RINL: variants seen among roughly 807,000 people sequenced by gnomAD.
RINL encodes Ras and Rab interactor like, also known as ras and Rab interactor-like protein.
A neutral mutation model predicts 58.1 loss-of-function variants in RINL; 39 were observed. The observed-to-expected ratio is 0.67, with a 90% CI of 0.52 to 0.88. RINL has a LOEUF of 0.88. Ranked by LOEUF, RINL falls within the 40% of genes least tolerant of loss-of-function variation. The pLI is 0.00. For missense variants in RINL, 711 were observed against 749.2 expected (o/e 0.95, Z 0.60); for synonymous variants, 286 against 323.1 (o/e 0.89, Z 1.23).
Position 38,871,738 on chromosome 19 carries a change from G to A in RINL, c.387-27C>T, listed in dbSNP as rs116483662. 1,055 of 1,613,964 alleles carry A rather than the reference G, an allele frequency of 6.5e-4. 7 individuals are homozygous for A. In the African/African-American group the frequency reaches 0.013, roughly 20 times the overall value. ...TGAGAATAAAGAGGTGGGAGCCACAGTGTCAGTGGGGTGTCTTAGGGAAGG... is the reference window on the plus strand; with the variant it reads ...TGAGAATAAAGAGGTGGGAGCCACAATGTCAGTGGGGTGTCTTAGGGAAGG... On this transcript the variant is annotated intron_variant, in intron 5 of 11. Transcript: ENST00000591812.
chr19:38,876,352 A>G lies in RINL; in HGVS notation c.189T>C (p.Leu63=). The change falls in exon 3 of 12, where the codon CTT becomes CTC. Residue 63 remains leucine (L), a synonymous_variant. Coordinates refer to ENST00000591812, the MANE Select transcript of RINL (RefSeq NM_001195833.2). Reference sequence around the variant, plus strand: ...TCACCCCTAGTGGCCACAGCCCCACAAGGGCCTCCGCATCCTGGGTATCCA... The same window carrying G: ...TCACCCCTAGTGGCCACAGCCCCACGAGGGCCTCCGCATCCTGGGTATCCA... ...PELDTQDAEA[L]VGLWPLGSFL... The G allele has an allele frequency of 2.0e-6, 3 of 1,536,046 alleles. No homozygotes were observed. Among genetic ancestry groups the G allele is most frequent in the Non-Finnish European group, 2.6e-6 (3 of 1,146,860 alleles).
chr19:38,867,944 T>C lies in RINL; in HGVS notation c.*1160A>G, dbSNP rs1972709572. Reference sequence around the variant, plus strand: ...TAACGTTAACTTCACTTGTTTCTTTTTATTTATTTATTTATTTTTGAGATG... The same window carrying C: ...TAACGTTAACTTCACTTGTTTCTTTCTATTTATTTATTTATTTTTGAGATG... On this transcript the variant is annotated 3_prime_UTR_variant, in exon 12 of 12. Coordinates refer to ENST00000591812, the MANE Select transcript of RINL (RefSeq NM_001195833.2). 6.6e-6 allele frequency: 1 copy of C among 152,120 alleles called. No homozygotes were observed. The highest frequency in any genetic ancestry group is 1.5e-5 in the Non-Finnish European group (1 of 68,008). 9.4% of individuals were successfully genotyped at this position (152,120 alleles called of 1,614,324 possible). A position where few individuals can be genotyped will look rare whatever the true frequency, so the allele number is the denominator to read the frequency against.
chr19:38,868,850 G>A lies in RINL; in HGVS notation c.*254C>T. 2.4e-6 allele frequency: 1 copy of A among 411,378 alleles called. No individual in the cohort carries two copies. The highest frequency in any genetic ancestry group is 4.4e-6 in the Non-Finnish European group (1 of 227,346). The allele number at this position is 411,378 out of a possible 1,614,324, so 25.5% of individuals were successfully genotyped here. ...TCCTCCCTTCCCCTCCCCTCCTTCA[G>A]GCCTTTCTGCAGATGTCACCTCAGT... On this transcript the variant is annotated 3_prime_UTR_variant, in exon 12 of 12. Coordinates refer to ENST00000591812, the MANE Select transcript of RINL (RefSeq NM_001195833.2).
rs1332131505 is a variant in RINL, at chr19:38,868,061, C to G, written c.*1043G>C. 1.3e-5 allele frequency: 2 copies of G among 152,328 alleles called. No homozygotes were observed. The highest frequency in any genetic ancestry group is 3.9e-4 in the East Asian group (2 of 5,178). The allele number at this position is 152,328 out of a possible 1,614,324, so 9.4% of individuals were successfully genotyped here. ...TCCCGGGTTCAAGCCATTCTCCTGC[C>G]TTAGCCTCCGGAGTAGCTGGGATTA... On this transcript the variant is annotated 3_prime_UTR_variant, in exon 12 of 12. Transcript: ENST00000591812.
At position 38,873,890 on chromosome 19, in the gene RINL, G is replaced by A. The variant is rs1163643430; in HGVS notation, c.309C>T (p.Pro103=). 2 of 1,527,962 alleles carry A rather than the reference G, an allele frequency of 1.3e-6. No individual in the cohort carries two copies. Among genetic ancestry groups the A allele is most frequent in the East Asian group, 2.4e-5 (1 of 40,860 alleles). The allele number at this position is 1,527,962 out of a possible 1,614,324, so 94.7% of individuals were successfully genotyped here. A position where few individuals can be genotyped will look rare whatever the true frequency, so the allele number is the denominator to read the frequency against. The change falls in exon 4 of 12, where the codon CCC becomes CCT. Residue 103 remains proline, a synonymous_variant. Transcript: ENST00000591812. ...ACCTCAGGGGAGGTGCCTTACCTCT[G>A]GGAATCTTCTGGATCTGGTAGGTAT... is the stretch of plus-strand genomic sequence containing the variant. ...EVNTYQIQKI[P]RGVSLESSNL... is the part of the protein sequence containing the mutation.
chr19:38,877,495 G>T (rs1265156742), intron 1 of RINL, among the ~76,000 whole-genome samples: 2 of 152,050 alleles, frequency 1.3e-5, no homozygotes, highest in Non-Finnish European at 2.9e-5. Context: ...CCACACCATG[G>T]AGGGGCCACT....
intron 3 of RINL, among the ~76,000 whole-genome samples, chr19:38,874,497 C>G (rs1972878374): frequency 6.6e-6 from 1 of 152,176 alleles, no homozygotes; most frequent in Non-Finnish European, 1.5e-5. Flanking sequence ...TAGTCTTGAA[C>G]TCCTGACTTC....
Position 38,870,589 on chromosome 19 carries a change from G to C in RINL, c.1005C>G (p.Pro335=), listed in dbSNP as rs569086876. 18 of 1,584,300 alleles carry C rather than the reference G, an allele frequency of 1.1e-5. No homozygotes were observed. The African/African-American group carries it at 2.2e-4, about 19-fold the overall frequency. The change falls in exon 8 of 12, where the codon CCC becomes CCG. Residue 335 remains proline (P), a synonymous_variant. Transcript: ENST00000591812. The surrounding 1 kb of genome is among the most constrained non-coding windows in gnomAD (Gnocchi z 5.8). The part of the protein sequence containing the change: ...AVFGSRGPGL[P]KKDEDPGPAL... ...CATTACCTGGATCCTCGTCCTTCTTGGGGAGCCCAGGACCCCTGCTTCCAA... is the reference window on the plus strand; with the variant it reads ...CATTACCTGGATCCTCGTCCTTCTTCGGGAGCCCAGGACCCCTGCTTCCAA...
At chr19:38,875,279 A>G (rs1972898660) in intron 3 of RINL, among the ~76,000 whole-genome samples, 1 of 135,892 alleles carries the variant, frequency 7.4e-6, no homozygotes, top group Non-Finnish European at 1.5e-5. Flanking sequence ...TTGAACTCCT[A>G]GGCTTAAGCG....
chr19:38,875,345 C>G (rs1264418171), intron 3 of RINL, among the ~76,000 whole-genome samples: 1 of 151,358 alleles, frequency 6.6e-6, no homozygotes, highest in Non-Finnish European at 1.5e-5. Flanking sequence ...GTCAGCACAC[C>G]CGGCCAGCCA....
In RINL at chr19:38,868,551, T is replaced by C. The variant is rs1216505721; in HGVS notation, c.*553A>G. On this transcript the variant is annotated 3_prime_UTR_variant, in exon 12 of 12. Coordinates refer to ENST00000591812, the MANE Select transcript of RINL (RefSeq NM_001195833.2). ...TGGTAGGCAGAGGCAGGGGGCTTGT[T>C]TGAGCCAGGAGGTTAAGGCTGCAGT... 6.6e-6 allele frequency: 1 copy of C among 152,020 alleles called. No individual in the cohort carries two copies. The highest frequency in any genetic ancestry group is 1.5e-5 in the Non-Finnish European group (1 of 68,030). The allele number at this position is 152,020 out of a possible 1,614,324, so 9.4% of individuals were successfully genotyped here.
At chr19:38,877,155 T>C (rs200840218) in intron 1 of RINL, among the ~76,000 whole-genome samples, 1 of 151,936 alleles carries the variant, frequency 6.6e-6, no homozygotes, top group East Asian at 1.9e-4. Context: ...CCTCAAGTGA[T>C]CCCCCCGCCT....
Position 38,876,435 on chromosome 19 carries a change from T to A in RINL, c.106A>T (p.Thr36Ser). 2 of 1,535,838 alleles carry A rather than the reference T, an allele frequency of 1.3e-6. No homozygotes were observed. Among genetic ancestry groups the A allele is most frequent in the Non-Finnish European group, 8.7e-7 (1 of 1,146,724 alleles). ...ADRTPLGVLS[T>S]LEPLTRLQRT... ...TGCAGGCGAGTAAGTGGCTCTAGGGTGCTGAGGACCCCTAGAGGGGTCCTG... is the reference window on the plus strand; with the variant it reads ...TGCAGGCGAGTAAGTGGCTCTAGGGAGCTGAGGACCCCTAGAGGGGTCCTG... Residue 36 changes from threonine (T) to serine (S), a missense_variant, in exon 3 of 12, where the codon ACC (threonine) becomes TCC (serine). Transcript: ENST00000591812.
chr19:38,870,698 G>T lies in RINL; in HGVS notation c.896C>A (p.Ala299Asp), dbSNP rs1400687254. The part of the protein sequence containing the change: ...SGGPHGSGDP[A>D]TELLQDVRHL... The stretch of plus-strand genomic sequence containing the variant: ...CCGCACATCCTGAAGCAGCTCCGTG[G>T]CCGGGTCCCCAGACCCGTGGGGACC... Residue 299 changes from alanine to aspartate, a missense_variant, in exon 8 of 12, where the codon GCC (alanine) becomes GAC (aspartate). By Grantham distance (126) the Ala-to-Asp change is moderately radical. Transcript: ENST00000591812. This position sits in a 1 kb window ranked among gnomAD's most constrained non-coding sequence, Gnocchi z 5.8. 6.2e-7 allele frequency: 1 copy of T among 1,613,686 alleles called. No individual in the cohort carries two copies. The highest frequency in any genetic ancestry group is 1.7e-5 in the Admixed American group (1 of 60,002).
intron 3 of RINL, among the ~76,000 whole-genome samples, chr19:38,874,752 C>T (rs1972883391): frequency 6.6e-6 from 1 of 152,172 alleles, no homozygotes; most frequent in African/African-American, 2.4e-5. Context: ...TTAATATACC[C>T]AGCCATGAGT....
At chr19:38,877,978 C>A (rs1178511234) in intron 1 of RINL, among the ~76,000 whole-genome samples, 1 of 152,170 alleles carries the variant, frequency 6.6e-6, no homozygotes, top group African/African-American at 2.4e-5. Context: ...TACATTAGGC[C>A]ATTGACCAGA....
rs1385265401 is a variant in RINL at position 38,870,312 on chromosome 19, C to G, written c.1025-52G>C. On this transcript the variant is annotated intron_variant, in intron 8 of 11. Transcript: ENST00000591812. The surrounding 1 kb of genome is among the most constrained non-coding windows in gnomAD (Gnocchi z 5.8). Reference sequence around the variant, plus strand: ...ACAGGACCGCCAAGTTGTCCCACGCCCACCCACGCGCTCCAACAACCCACC... The same window carrying G: ...ACAGGACCGCCAAGTTGTCCCACGCGCACCCACGCGCTCCAACAACCCACC... The G allele has an allele frequency of 1.5e-6, 2 of 1,329,410 alleles. No individual in the cohort carries two copies. Among genetic ancestry groups the G allele is most frequent in the East Asian group, 5.7e-5 (2 of 34,870 alleles). 82.4% of individuals were successfully genotyped at this position (1,329,410 alleles called of 1,614,324 possible).
At chr19:38,874,277 ATTT>A (rs57440554) in intron 3 of RINL, among the ~76,000 whole-genome samples, 1 of 148,722 alleles carries the variant, frequency 6.7e-6, no homozygotes. Context: ...CTTCCACAGG[ATTT>A]TTTTTTTTTT....
intron 4 of RINL, among the ~76,000 whole-genome samples, chr19:38,872,511 A>T (rs1028572203): frequency 5.9e-5 from 9 of 151,830 alleles, no homozygotes; most frequent in African/African-American, 1.7e-4. Context: ...AATAAATAAA[A>T]ATAAATTTTA....
Sources: allele counts gnomAD v4.1 joint callset (sites outside exome capture counted in the v4.1 genomes callset), GRCh38; gene constraint gnomAD v4.1.1; non-coding constraint Gnocchi (gnomAD v3.1); transcripts MANE v1.5; gene names NCBI Gene and HGNC (gene_info 2026-07-23, HGNC 2026-07-21).